The following CYYR1 variants were observed in gnomAD, a reference collection of about 807,000 sequenced individuals.
CYYR1 encodes the protein cysteine and tyrosine rich 1.
CYYR1 carries 14 observed loss-of-function variants against 15.2 expected under a neutral mutation model. The observed-to-expected ratio is 0.92, with a 90% CI of 0.61 to 1.44. CYYR1 has a LOEUF of 1.44. Among genes scored for constraint, CYYR1 ranks in the 40% most tolerant of loss-of-function variants. The pLI is 0.00. For synonymous variants in CYYR1, 80 were observed against 77.4 expected (o/e 1.03, Z -0.18); for missense variants, 228 against 209.5 (o/e 1.09, Z -0.54).
intron 2 of CYYR1, among the ~76,000 whole-genome samples, chr21:26,501,288 G>T (rs973777658): frequency 1.3e-5 from 2 of 152,216 alleles, no homozygotes; most frequent in Admixed American, 6.5e-5. Flanking sequence ...AGTGAGCCGA[G>T]ATTGCACCAC....
intron 2 of CYYR1, among the ~76,000 whole-genome samples, chr21:26,489,905 T>C (rs1037923394): frequency 2.6e-5 from 4 of 152,172 alleles, no homozygotes; most frequent in African/African-American, 9.7e-5. Context: ...AACTCGTTTT[T>C]GAAAAACAAA....
chr21:26,539,739 C>T (rs1978413573), intron 2 of CYYR1, among the ~76,000 whole-genome samples: 1 of 152,160 alleles, frequency 6.6e-6, no homozygotes, highest in Non-Finnish European at 1.5e-5. Context: ...AATGTTGCTT[C>T]TTTTGTCTGG....
chr21:26,572,822 G>A (rs62216535), intron 1 of CYYR1, 46 bp downstream of exon 1: 276,793 of 1,606,564 alleles, frequency 0.17, 28,484 homozygotes, highest in African/African-American at 0.48. Context: ...GTGACCCAAG[G>A]GCAGCCCCGA....
chr21:26,556,256 C>T (rs568190986), intron 2 of CYYR1, among the ~76,000 whole-genome samples: 3 of 152,270 alleles, frequency 2.0e-5, no homozygotes, highest in South Asian at 2.1e-4. Context: ...TTAGAACCCA[C>T]AAAATGTCAG....
At position 26,572,615 on chromosome 21, in the gene CYYR1, C is replaced by G. The variant is rs538047954; in HGVS notation, c.73+253G>C. Among the ~76,000 whole-genome samples, 54 of 152,282 alleles carry G rather than the reference C, an allele frequency of 3.5e-4. 1 individual carries two copies. In the South Asian group the frequency reaches 9.1e-3, roughly 26 times the overall value. ...AGAGTCAAATCCCCTAAACACGAGA[C>G]TGCTATTTCCAAGGTGGAAAGGGAA... is the stretch of plus-strand genomic sequence containing the variant. On this transcript the variant is annotated intron_variant, in intron 1 of 3. Coordinates refer to ENST00000652641, the MANE Select transcript of CYYR1 (RefSeq NM_001320768.2).
chr21:26,543,260 T>G (rs1274704862), intron 2 of CYYR1, among the ~76,000 whole-genome samples: 2 of 152,142 alleles, frequency 1.3e-5, no homozygotes, highest in African/African-American at 4.8e-5. Flanking sequence ...AGTGGTGGGT[T>G]GACAGGTGCA....
intron 2 of CYYR1, among the ~76,000 whole-genome samples, chr21:26,534,250 C>T (rs538123804): frequency 1.1e-4 from 17 of 152,196 alleles, no homozygotes; most frequent in South Asian, 8.3e-4. Flanking sequence ...ATTTTATTTG[C>T]GTAATAAGGG....
At chr21:26,538,747 G>T (rs1978347669) in intron 2 of CYYR1, among the ~76,000 whole-genome samples, 2 of 152,160 alleles carry the variant, frequency 1.3e-5, no homozygotes, top group South Asian at 4.2e-4. Context: ...TTTTAATTGG[G>T]GAAATATCCA....
At chr21:26,483,294 C>T (rs746544790) in intron 2 of CYYR1, 1 of 213,360 alleles carries the variant, frequency 4.7e-6, no homozygotes, top group Non-Finnish European at 8.0e-6. Flanking sequence ...TTGATACTTT[C>T]TCTACTGTTT....
At chr21:26,482,947 G>A (rs577383665) in intron 2 of CYYR1, among the ~76,000 whole-genome samples, 1 of 151,916 alleles carries the variant, frequency 6.6e-6, no homozygotes, top group South Asian at 2.1e-4. Flanking sequence ...GGAGACTCAC[G>A]TCCTTCAGTT....
At chr21:26,481,637 C>T (rs1236981048) in intron 2 of CYYR1, among the ~76,000 whole-genome samples, 1 of 151,948 alleles carries the variant, frequency 6.6e-6, no homozygotes, top group Non-Finnish European at 1.5e-5. Context: ...CACTGATGGG[C>T]ATTTAGGTTG....
intron 2 of CYYR1, among the ~76,000 whole-genome samples, chr21:26,555,076 T>C (rs1050083578): frequency 6.6e-6 from 1 of 152,158 alleles, no homozygotes; most frequent in East Asian, 1.9e-4. Context: ...TCACACAGCA[T>C]CAGGAACCCA....
intron 2 of CYYR1, among the ~76,000 whole-genome samples, chr21:26,522,531 T>C (rs886877989): frequency 1.1e-4 from 16 of 152,244 alleles, no homozygotes. Context: ...AATGGACTTT[T>C]TGCTTTCACA....
chr21:26,510,499 C>T (rs2065631948), intron 2 of CYYR1, among the ~76,000 whole-genome samples: 1 of 152,164 alleles, frequency 6.6e-6, no homozygotes, highest in African/African-American at 2.4e-5. Flanking sequence ...ATTCATTCAA[C>T]AGTGAATGAA....
intron 2 of CYYR1, among the ~76,000 whole-genome samples, chr21:26,510,587 T>C (rs1356683837): frequency 6.6e-6 from 1 of 152,210 alleles, no homozygotes; most frequent in Non-Finnish European, 1.5e-5. Context: ...TAGTCTATTG[T>C]TGCAAGGATT....
intron 2 of CYYR1, among the ~76,000 whole-genome samples, chr21:26,500,674 G>C (rs2065469256): frequency 2.0e-5 from 3 of 152,092 alleles, no homozygotes; most frequent in Admixed American, 2.0e-4. Context: ...CACTGGGGGT[G>C]GGGAGGACTT....
intron 2 of CYYR1, among the ~76,000 whole-genome samples, chr21:26,494,615 G>A (rs1244730557): frequency 6.6e-6 from 1 of 152,004 alleles, no homozygotes; most frequent in Non-Finnish European, 1.5e-5. Flanking sequence ...AGTAGTTGGT[G>A]TGGAAGATAT....
intron 2 of CYYR1, among the ~76,000 whole-genome samples, chr21:26,535,492 A>G (rs1325746823): frequency 1.3e-5 from 2 of 152,170 alleles, no homozygotes; most frequent in African/African-American, 4.8e-5. Context: ...ATTATAAACA[A>G]CAGTACTAAT....
intron 2 of CYYR1, chr21:26,482,251 CATTT>C (rs2065191443): frequency 1.1e-6 from 1 of 940,178 alleles, no homozygotes; most frequent in Non-Finnish European, 1.3e-6. Context: ...ATTATTATCG[CATTT>C]ATTTTACAAC....
Sources: allele counts gnomAD v4.1 joint callset (sites outside exome capture counted in the v4.1 genomes callset), GRCh38; gene constraint gnomAD v4.1.1; transcripts MANE v1.5; gene names NCBI Gene and HGNC (gene_info 2026-07-23, HGNC 2026-07-21).